The following TAOK1 variants were observed in gnomAD, a reference collection of about 807,000 sequenced individuals.
The protein encoded by TAOK1 is TAO kinase 1, also known as serine/threonine-protein kinase TAO1.
Under a neutral mutation model 138.3 loss-of-function variants are expected in TAOK1, and 21 were observed. The observed-to-expected ratio is 0.15, with a 90% CI of 0.11 to 0.22. The LOEUF (loss-of-function observed/expected upper bound fraction) is 0.22, where lower values mean the gene tolerates loss of function less well. Ranked by LOEUF, TAOK1 falls within the 10% of genes least tolerant of loss-of-function variation. The probability of loss-of-function intolerance (pLI) is 1.00; values close to 1 mark genes in which losing one functional copy is unlikely to be tolerated. For synonymous variants in TAOK1, 361 were observed against 398.4 expected, an observed-to-expected ratio of 0.91 and a Z score of 1.12; for missense variants, 651 against 1,227.7, an observed-to-expected ratio of 0.53 and a Z score of 7.02.
At chr17:29,426,579 G>T (rs1317563698) in intron 1 of TAOK1, among the ~76,000 whole-genome samples, 7 of 152,142 alleles carry the variant, frequency 4.6e-5, no homozygotes, top group Non-Finnish European at 1.5e-5. Context: ...CTGTCAAAGG[G>T]GCGAGTGAGG....
intron 2 of TAOK1, among the ~76,000 whole-genome samples, chr17:29,465,754 T>G: frequency 6.6e-6 from 1 of 151,636 alleles, no homozygotes; most frequent in East Asian, 1.9e-4. Flanking sequence ...TATTGCCTTG[T>G]ACTTTCTTAA....
At chr17:29,532,840 C>T (rs557397183) in intron 18 of TAOK1, among the ~76,000 whole-genome samples, 197 of 151,898 alleles carry the variant, frequency 1.3e-3, no homozygotes, top group African/African-American at 4.6e-3. Context: ...CATCATGGCC[C>T]GTTCTCAATG....
intron 2 of TAOK1, among the ~76,000 whole-genome samples, chr17:29,456,273 G>A (rs1056904990): frequency 4.7e-5 from 7 of 149,796 alleles, no homozygotes; most frequent in Non-Finnish European, 8.8e-5. Context: ...GCTTGAACCC[G>A]TCCATGAGGT....
chr17:29,546,045 C>T lies in TAOK1; in HGVS notation c.*3023C>T, dbSNP rs897221507. 44 of 152,090 alleles carry T rather than the reference C, an allele frequency of 2.9e-4. No homozygotes were observed. The highest frequency in any genetic ancestry group is 1.0e-3 in the African/African-American group (43 of 41,444). The allele number at this position is 152,090 out of a possible 1,614,324, so 9.4% of individuals were successfully genotyped here. A position where few individuals can be genotyped will look rare whatever the true frequency, so the allele number is the denominator to read the frequency against. On this transcript the variant is annotated 3_prime_UTR_variant, in exon 20 of 20. Transcript: ENST00000261716. ...CAAATTGAGCTCCCTTCCCTTTGCA[C>T]ATATTTTTTCCTCCCCTTATTGAAG...
intron 13 of TAOK1, among the ~76,000 whole-genome samples, chr17:29,506,020 CT>C (rs1876390768): frequency 6.6e-6 from 1 of 152,028 alleles, no homozygotes; most frequent in East Asian, 1.9e-4. Flanking sequence ...TGGTGATAAC[CT>C]AAATTAGTAT....
intron 11 of TAOK1, among the ~76,000 whole-genome samples, chr17:29,496,051 C>T (rs775180766): frequency 7.9e-5 from 12 of 151,990 alleles, no homozygotes; most frequent in Non-Finnish European, 1.6e-4. Context: ...TTTGTTTAGT[C>T]TAGGCCTTCT....
At chr17:29,519,187 A>T (rs2031872466) in intron 16 of TAOK1, among the ~76,000 whole-genome samples, 1 of 152,074 alleles carries the variant, frequency 6.6e-6, no homozygotes, top group Non-Finnish European at 1.5e-5. Context: ...TAATTGGGTA[A>T]ATGTTGTAGA....
At chr17:29,505,257 A>T (rs904032416) in intron 13 of TAOK1, among the ~76,000 whole-genome samples, 1 of 152,088 alleles carries the variant, frequency 6.6e-6, no homozygotes, top group Admixed American at 6.6e-5. Context: ...AAATGCACAG[A>T]TCTTAGGTAT....
chr17:29,436,944 A>T (rs1906047861), intron 1 of TAOK1, among the ~76,000 whole-genome samples: 1 of 152,208 alleles, frequency 6.6e-6, no homozygotes, highest in Non-Finnish European at 1.5e-5. Context: ...GAAGGCTGCT[A>T]AATGTTTGAG....
intron 1 of TAOK1, among the ~76,000 whole-genome samples, chr17:29,423,469 G>A (rs1033320271): frequency 2.0e-5 from 3 of 151,430 alleles, no homozygotes; most frequent in Admixed American, 6.6e-5. Context: ...CACCTGCCTC[G>A]GCCTCCCAAA....
chr17:29,453,126 C>A (rs576349151), intron 2 of TAOK1, among the ~76,000 whole-genome samples: 1 of 150,868 alleles, frequency 6.6e-6, no homozygotes, highest in Non-Finnish European at 1.5e-5. Context: ...AAAAAGAAAT[C>A]GTACAATATT....
intron 8 of TAOK1, among the ~76,000 whole-genome samples, chr17:29,488,724 G>A (rs934130603): frequency 6.6e-6 from 1 of 151,876 alleles, no homozygotes; most frequent in Non-Finnish European, 1.5e-5. Flanking sequence ...ACAGAAAGGC[G>A]ACCATACTTC....
chr17:29,492,621 G>A (rs1194344685), intron 10 of TAOK1, among the ~76,000 whole-genome samples: 5 of 151,330 alleles, frequency 3.3e-5, no homozygotes, highest in Non-Finnish European at 5.9e-5. Context: ...TGAAACCCCC[G>A]TCTCTACTGA....
rs200406599 is a variant in TAOK1 at position 29,397,835 on chromosome 17, GTGTA to G, written c.-95+6813_-95+6816del. ...TATATGTATATACATGTATATATATGTGTATATATATATATGTATGTCACCATTT... is the reference window on the plus strand; with the variant it reads ...TATATGTATATACATGTATATATATGTATATATATATGTATGTCACCATTT... On this transcript the variant is annotated intron_variant, in intron 1 of 19. Coordinates refer to ENST00000261716, the MANE Select transcript of TAOK1 (RefSeq NM_020791.4). 7.9e-3 allele frequency among the ~76,000 whole-genome samples: 1,197 copies of G among 150,756 alleles called. 22 individuals are homozygous for G. Among genetic ancestry groups the G allele is most frequent in the African/African-American group, 0.027 (1,129 of 41,126 alleles).
At chr17:29,522,062 T>G (rs2031930995) in intron 16 of TAOK1, among the ~76,000 whole-genome samples, 1 of 152,078 alleles carries the variant, frequency 6.6e-6, no homozygotes, top group Non-Finnish European at 1.5e-5. Flanking sequence ...CTAATGGTAA[T>G]AAAATAATAT....
At chr17:29,472,373 CT>C (rs1162288351) in intron 3 of TAOK1, among the ~76,000 whole-genome samples, 3 of 151,496 alleles carry the variant, frequency 2.0e-5, no homozygotes, top group African/African-American at 7.3e-5. Flanking sequence ...CTGCCTCAGC[CT>C]CTCGAGTAAC....
intron 2 of TAOK1, among the ~76,000 whole-genome samples, chr17:29,462,266 G>A (rs750383625): frequency 1.3e-5 from 2 of 152,218 alleles, no homozygotes; most frequent in Non-Finnish European, 2.9e-5. Flanking sequence ...GACTGGTACC[G>A]TAGTGAGTAT....
intron 1 of TAOK1, among the ~76,000 whole-genome samples, chr17:29,426,175 C>T (rs183468080): frequency 7.9e-5 from 12 of 152,220 alleles, no homozygotes; most frequent in Admixed American, 4.6e-4. Flanking sequence ...CCACCGCACC[C>T]GGCCAAGAAT....
At chr17:29,485,875 T>C (rs1344318428) in intron 8 of TAOK1, among the ~76,000 whole-genome samples, 1 of 152,238 alleles carries the variant, frequency 6.6e-6, no homozygotes, top group Non-Finnish European at 1.5e-5. Context: ...CTCAGTTTCA[T>C]CTAATTTCCT....
Sources: gnomAD v4.1 joint callset for allele counts (sites outside exome capture counted in the v4.1 genomes callset) on GRCh38, gnomAD v4.1.1 for gene constraint, MANE v1.5 for transcripts, NCBI Gene and HGNC (gene_info 2026-07-23, HGNC 2026-07-21) for gene names.